Variants in PCDHGB4 observed in about 807,000 individuals in gnomAD.
PCDHGB4 encodes the protein protocadherin gamma-B4.
Under a neutral mutation model 60.5 loss-of-function variants are expected in PCDHGB4, and 38 were observed. That is an observed-to-expected ratio of 0.63 (90% CI 0.48 to 0.82). PCDHGB4 has a LOEUF of 0.82. PCDHGB4 is among the 40% of genes least tolerant of loss of function. The probability of loss-of-function intolerance (pLI) is 0.00; values close to 1 mark genes in which losing one functional copy is unlikely to be tolerated. For synonymous variants in PCDHGB4, 456 were observed against 509.7 expected, an observed-to-expected ratio of 0.89 and a Z score of 1.42; for missense variants, 1,109 against 1,209.6, an observed-to-expected ratio of 0.92 and a Z score of 1.23.
chr5:141,407,868 A>AAT (rs1474357780), intron 1 of PCDHGB4, among the ~76,000 whole-genome samples: 1 of 152,242 alleles, frequency 6.6e-6, no homozygotes, highest in Admixed American at 6.5e-5. Context: ...ATTTTCGAAG[A>AAT]ATATATACAT....
rs544096177 is a variant in PCDHGB4, at chr5:141,389,391, G to A, written c.1507G>A (p.Val503Met). 1.2e-6 allele frequency: 2 copies of A among 1,613,686 alleles called. No individual in the cohort carries two copies. The highest frequency in any genetic ancestry group is 2.2e-5 in the East Asian group (1 of 44,878). Residue 503 changes from valine (V) to methionine (M), a missense_variant, in exon 1 of 4, where the codon GTG (valine) becomes ATG (methionine). Coordinates refer to ENST00000519479, the MANE Select transcript of PCDHGB4 (RefSeq NM_003736.4). ...DLEQRELSSYVSISAESGVVF... is the reference protein window; with the variant it reads ...DLEQRELSSYMSISAESGVVF... ...GGAGCAGCGGGAGCTGTCATCCTAC[G>A]TGTCCATAAGCGCGGAGAGCGGGGT...
At chr5:141,460,088 A>C (rs1225262213) in intron 1 of PCDHGB4, among the ~76,000 whole-genome samples, 2 of 151,990 alleles carry the variant, frequency 1.3e-5, no homozygotes, top group Non-Finnish European at 2.9e-5. Flanking sequence ...AAAAATAATA[A>C]TTATACATGT....
In PCDHGB4 at chr5:141,512,903, C is replaced by G. The variant is rs2099884492; in HGVS notation, c.*1730C>G. On this transcript the variant is annotated 3_prime_UTR_variant, in exon 4 of 4. Coordinates refer to ENST00000519479, the MANE Select transcript of PCDHGB4 (RefSeq NM_003736.4). ...CCCCACCCTCTTCCTGTGTCTCACG[C>G]AAGTTTTATACTCTAATATTTATAT... 6.6e-6 allele frequency: 1 copy of G among 152,224 alleles called. No homozygotes were observed. Among genetic ancestry groups the G allele is most frequent in the African/African-American group, 2.4e-5 (1 of 41,452 alleles). 9.4% of individuals were successfully genotyped at this position (152,224 alleles called of 1,614,324 possible).
intron 1 of PCDHGB4, chr5:141,423,601 C>A (rs372165060): frequency 1.9e-6 from 3 of 1,612,704 alleles, no homozygotes; most frequent in Non-Finnish European, 2.5e-6. Flanking sequence ...AAGCGAGCCA[C>A]TCTTGATAGC....
chr5:141,478,378 G>C, intron 1 of PCDHGB4: 1 of 1,613,558 alleles, frequency 6.2e-7, no homozygotes, highest in Non-Finnish European at 8.5e-7. Flanking sequence ...TGATGTCGCC[G>C]CACCTTTACC....
intron 1 of PCDHGB4, among the ~76,000 whole-genome samples, chr5:141,448,809 A>G (rs998129053): frequency 9.2e-5 from 14 of 151,812 alleles, no homozygotes; most frequent in Non-Finnish European, 1.8e-4. Flanking sequence ...GCCAGGCGTG[A>G]TGGCGGGCGC....
intron 1 of PCDHGB4, among the ~76,000 whole-genome samples, chr5:141,492,409 C>A (rs1367119266): frequency 6.6e-6 from 1 of 152,230 alleles, no homozygotes; most frequent in Non-Finnish European, 1.5e-5. Flanking sequence ...TCCCCTCTGC[C>A]GCTCCCTCCG....
chr5:141,412,942 A>G, intron 1 of PCDHGB4: 1 of 465,476 alleles, frequency 2.1e-6, no homozygotes, highest in Non-Finnish European at 3.8e-6. Flanking sequence ...TAGGACTCTG[A>G]GCGCCGCTGT....
In PCDHGB4 at chr5:141,511,074, C is replaced by G; in HGVS notation, c.2673C>G (p.Ser891Arg). 1.2e-6 allele frequency: 2 copies of G among 1,614,238 alleles called. No homozygotes were observed. The highest frequency in any genetic ancestry group is 1.7e-6 in the Non-Finnish European group (2 of 1,180,040). ...GCCAGAATGTCTACATCCCAGGCAGCAATGCCACACTGACCAACGCAGCTG... is the reference window on the plus strand; with the variant it reads ...GCCAGAATGTCTACATCCCAGGCAGGAATGCCACACTGACCAACGCAGCTG... The part of the protein sequence containing the change: ...DYRQNVYIPG[S>R]NATLTNAAGK... Residue 891 changes from serine (S) to arginine (R), a missense_variant, in exon 4 of 4, where the codon AGC becomes AGG. Around this residue, in one of 2 missense-constraint regions of PCDHGB4, gnomAD observed 1,068 missense variants for 1,089.9 expected, o/e 0.98. Coordinates refer to ENST00000519479, the MANE Select transcript of PCDHGB4 (RefSeq NM_003736.4).
chr5:141,390,388 G>A, intron 1 of PCDHGB4, 107 bp downstream of exon 1: 1 of 1,423,474 alleles, frequency 7.0e-7, no homozygotes, highest in African/African-American at 1.4e-5. Flanking sequence ...TAGATGTCAT[G>A]GATCATTTTA....
At chr5:141,419,934 T>C (rs1427601115) in intron 1 of PCDHGB4, 3 of 1,613,952 alleles carry the variant, frequency 1.9e-6, no homozygotes, top group Non-Finnish European at 2.5e-6. Flanking sequence ...CAGTTTTACC[T>C]GGTGGTGGCC....
At chr5:141,443,113 T>C (rs2098364390) in intron 1 of PCDHGB4, among the ~76,000 whole-genome samples, 1 of 152,040 alleles carries the variant, frequency 6.6e-6, no homozygotes, top group African/African-American at 2.4e-5. Flanking sequence ...ACCTTGCTTT[T>C]CAAACCAGAT....
intron 1 of PCDHGB4, chr5:141,415,051 C>T: frequency 3.1e-6 from 5 of 1,613,458 alleles, no homozygotes; most frequent in South Asian, 1.1e-5. Flanking sequence ...GGTGGGGGAG[C>T]ACACGGGCGA....
At chr5:141,442,358 A>C (rs2098318223) in intron 1 of PCDHGB4, 1 of 152,304 alleles carries the variant, frequency 6.6e-6, no homozygotes, top group African/African-American at 2.4e-5. Context: ...CTGTAGCTCT[A>C]TGATGCCATA....
intron 1 of PCDHGB4, among the ~76,000 whole-genome samples, chr5:141,446,065 G>T (rs1285093512): frequency 2.0e-5 from 3 of 152,306 alleles, no homozygotes; most frequent in African/African-American, 7.2e-5. Flanking sequence ...GATTAAAGGG[G>T]AGGCAGTGGA....
At chr5:141,437,944 G>A (rs576107104) in intron 1 of PCDHGB4, among the ~76,000 whole-genome samples, 1 of 152,178 alleles carries the variant, frequency 6.6e-6, no homozygotes, top group South Asian at 2.1e-4. Flanking sequence ...CACCATATTG[G>A]CCAGAATGGT....
At chr5:141,401,833 TATA>T (rs947293983) in intron 1 of PCDHGB4, among the ~76,000 whole-genome samples, 12 of 152,238 alleles carry the variant, frequency 7.9e-5, no homozygotes, top group African/African-American at 2.9e-4. Context: ...TGAGATTTCT[TATA>T]ATACCACTTA....
chr5:141,441,517 G>A (rs1316654534), intron 1 of PCDHGB4: 1 of 172,138 alleles, frequency 5.8e-6, no homozygotes, highest in South Asian at 1.3e-4. Flanking sequence ...CGTCGTCCAC[G>A]TGGCCAAGAA....
chr5:141,464,519 A>G (rs974292961), intron 1 of PCDHGB4, among the ~76,000 whole-genome samples: 21 of 152,058 alleles, frequency 1.4e-4, no homozygotes, highest in African/African-American at 4.1e-4. Context: ...AGGTAAAGGC[A>G]TATGTAGTTT....
Sources: allele counts gnomAD v4.1 joint callset (sites outside exome capture counted in the v4.1 genomes callset), GRCh38; gene constraint gnomAD v4.1.1; regional missense constraint gnomAD v4.1.1; transcripts MANE v1.5; gene names NCBI Gene and HGNC (gene_info 2026-07-23, HGNC 2026-07-21).